The following FBXL17 variants were observed in gnomAD, a reference collection of about 807,000 sequenced individuals.
FBXL17 encodes F-box and leucine rich repeat protein 17.
A neutral mutation model predicts 66.2 loss-of-function variants in FBXL17; 22 were observed. The observed-to-expected ratio is 0.33, with a 90% CI of 0.24 to 0.47. FBXL17 has a LOEUF of 0.47. FBXL17 is among the 20% of genes least tolerant of loss of function. The pLI is 1.00. For synonymous variants in FBXL17, 474 were observed against 400.5 expected, an observed-to-expected ratio of 1.18 and a Z score of -2.19; for missense variants, 878 against 948.2, an observed-to-expected ratio of 0.93 and a Z score of 0.97.
At chr5:108,045,904 C>T (rs1367465831) in intron 6 of FBXL17, among the ~76,000 whole-genome samples, 2 of 152,074 alleles carry the variant, frequency 1.3e-5, no homozygotes, top group Non-Finnish European at 2.9e-5. Context: ...GCATGTGCGA[C>T]ATGGTTACTT....
intron 7 of FBXL17, among the ~76,000 whole-genome samples, chr5:107,963,031 A>G (rs945006554): frequency 6.6e-6 from 1 of 152,198 alleles, no homozygotes; most frequent in Non-Finnish European, 1.5e-5. Context: ...CCAGTGAAGG[A>G]AAAAAACACT....
At chr5:107,965,231 T>C (rs1403200831) in intron 7 of FBXL17, among the ~76,000 whole-genome samples, 2 of 152,160 alleles carry the variant, frequency 1.3e-5, no homozygotes, top group Non-Finnish European at 2.9e-5. Context: ...TTGATTGAAT[T>C]TCACTTAAGG....
At position 107,956,006 on chromosome 5, in the gene FBXL17, CTTCAGCT is replaced by C. The variant is rs1751651842; in HGVS notation, c.1822+64912_1822+64918del. The stretch of plus-strand genomic sequence containing the variant: ...TCATCTGAAGAAAGCAAAACTAACC[CTTCAGCT>C]TTCTTGGGAGGAAGAAAGTGGACAC... On this transcript the variant is annotated intron_variant, in intron 7 of 8. Transcript: ENST00000542267. 2.6e-5 allele frequency among the ~76,000 whole-genome samples: 4 copies of C among 152,116 alleles called. No individual in the cohort carries two copies. The South Asian group carries it at 8.3e-4, about 32-fold the overall frequency.
At chr5:107,868,247 A>T (rs911570199) in intron 8 of FBXL17, among the ~76,000 whole-genome samples, 54 of 152,330 alleles carry the variant, frequency 3.5e-4, no homozygotes, top group African/African-American at 1.3e-3. Flanking sequence ...AAAGTGTCAG[A>T]CTGGGGCCTG....
chr5:107,957,981 G>A (rs1337700095), intron 7 of FBXL17, among the ~76,000 whole-genome samples: 2 of 152,090 alleles, frequency 1.3e-5, no homozygotes, highest in Non-Finnish European at 2.9e-5. Flanking sequence ...TGTGCAGGGA[G>A]TGAGGCCCAG....
chr5:107,907,716 A>T (rs1749811914), intron 7 of FBXL17, among the ~76,000 whole-genome samples: 1 of 152,230 alleles, frequency 6.6e-6, no homozygotes, highest in African/African-American at 2.4e-5. Context: ...ACTGGCCATC[A>T]GAGAAATGCA....
At chr5:107,912,340 C>T (rs770258425) in intron 7 of FBXL17, among the ~76,000 whole-genome samples, 2 of 151,982 alleles carry the variant, frequency 1.3e-5, no homozygotes, top group South Asian at 2.1e-4. Flanking sequence ...ATTTAACCAG[C>T]GAAGTATATT....
intron 7 of FBXL17, among the ~76,000 whole-genome samples, chr5:107,959,985 G>A (rs1005661698): frequency 2.0e-5 from 3 of 152,090 alleles, no homozygotes; most frequent in Admixed American, 6.6e-5. Context: ...TCCTTCCCAC[G>A]TGACACAGAA....
chr5:107,935,679 C>A (rs567874240), intron 7 of FBXL17, among the ~76,000 whole-genome samples: 1 of 151,950 alleles, frequency 6.6e-6, no homozygotes, highest in Non-Finnish European at 1.5e-5. Context: ...GATGTAAGCA[C>A]GTAAGTTGGT....
chr5:108,278,728 C>T (rs1352698202), intron 4 of FBXL17, among the ~76,000 whole-genome samples: 1 of 152,196 alleles, frequency 6.6e-6, no homozygotes. Flanking sequence ...TGACCCCACC[C>T]TCCCTGTGGC....
In FBXL17 at chr5:108,250,584, G is replaced by A. The variant is rs149624919; in HGVS notation, c.1507-26356C>T. On this transcript the variant is annotated intron_variant, in intron 4 of 8. Transcript: ENST00000542267. ...TATAATTAATATAGGAATAAGAGTA[G>A]AGGATGAAGAGATAGAAATTCTGAC... is the stretch of plus-strand genomic sequence containing the variant. 4.4e-3 allele frequency among the ~76,000 whole-genome samples: 671 copies of A among 152,162 alleles called. 16 individuals are homozygous for A. The highest frequency in any genetic ancestry group is 0.039 in the Admixed American group (589 of 15,256).
chr5:108,318,687 A>G (rs1330597897), intron 4 of FBXL17, among the ~76,000 whole-genome samples: 1 of 151,912 alleles, frequency 6.6e-6, no homozygotes, highest in Non-Finnish European at 1.5e-5. Context: ...CTAATTTTAC[A>G]GGATTAAGAG....
rs924352573 is a variant in FBXL17, at chr5:107,859,827, G to A, written c.*1893C>T. On this transcript the variant is annotated 3_prime_UTR_variant, in exon 9 of 9. Coordinates refer to ENST00000542267, the MANE Select transcript of FBXL17 (RefSeq NM_001163315.3). ...TCAAGCTACTATTACTATACATACT[G>A]TCTTATAAATTAGTTTTGGATTAAA... The A allele has an allele frequency of 6.6e-6, 1 of 151,968 alleles. No individual in the cohort carries two copies. Among genetic ancestry groups the A allele is most frequent in the African/African-American group, 2.4e-5 (1 of 41,370 alleles). 9.4% of individuals were successfully genotyped at this position (151,968 alleles called of 1,614,324 possible).
At chr5:108,070,499 T>C (rs143294009) in intron 6 of FBXL17, among the ~76,000 whole-genome samples, 226 of 152,352 alleles carry the variant, frequency 1.5e-3, no homozygotes, top group South Asian at 0.013. Flanking sequence ...AATAAGGGTA[T>C]ACCTTATCAC....
At chr5:108,221,383 C>T (rs1431170406) in intron 5 of FBXL17, among the ~76,000 whole-genome samples, 1 of 152,094 alleles carries the variant, frequency 6.6e-6, no homozygotes, top group South Asian at 2.1e-4. Context: ...CCCTAACAGT[C>T]CCTTCTAGGC....
chr5:108,012,291 G>T (rs1267095161), intron 7 of FBXL17, among the ~76,000 whole-genome samples: 3 of 152,040 alleles, frequency 2.0e-5, no homozygotes, highest in African/African-American at 7.2e-5. Flanking sequence ...AATATTTGTT[G>T]AATATATTAA....
At chr5:108,121,690 G>A (rs2149965316) in intron 6 of FBXL17, among the ~76,000 whole-genome samples, 1 of 152,018 alleles carries the variant, frequency 6.6e-6, no homozygotes, top group East Asian at 2.0e-4. Context: ...CTGAGTAGCT[G>A]GGACTACAGG....
rs146400480 is a variant in FBXL17, at chr5:108,015,865, A to G, written c.1822+5060T>C. Among the ~76,000 whole-genome samples the G allele has an allele frequency of 1.6e-3, 239 of 152,260 alleles. 2 individuals are homozygous for G. The highest frequency in any genetic ancestry group is 6.8e-3 in the Middle Eastern group (2 of 294). On this transcript the variant is annotated intron_variant, in intron 7 of 8. Coordinates refer to ENST00000542267, the MANE Select transcript of FBXL17 (RefSeq NM_001163315.3). ...GGGGTGAGGTGTGGGTTACACCAAA[A>G]CGATGAATAATGTCACCAGGCCACT... is the stretch of plus-strand genomic sequence containing the variant.
chr5:107,946,467 T>TATG (rs1309654360), intron 7 of FBXL17, among the ~76,000 whole-genome samples: 10 of 146,294 alleles, frequency 6.8e-5, no homozygotes, highest in African/African-American at 2.5e-4. Flanking sequence ...TTATTATTAT[T>TATG]ATTATTATTA....
Sources: allele counts gnomAD v4.1 joint callset (sites outside exome capture counted in the v4.1 genomes callset), GRCh38; gene constraint gnomAD v4.1.1; transcripts MANE v1.5; gene names NCBI Gene and HGNC (gene_info 2026-07-23, HGNC 2026-07-21).